The following PROSER2 variants were observed in gnomAD, a reference collection of about 807,000 sequenced individuals.
The protein encoded by PROSER2 is proline and serine rich 2.
Under a neutral mutation model 14.6 loss-of-function variants are expected in PROSER2, and 18 were observed. The ratio of observed to expected loss-of-function variants is 1.23; its 90% CI spans 0.85 to 1.83. PROSER2 has a LOEUF of 1.83. Among genes scored for constraint, PROSER2 ranks in the 40% most tolerant of loss-of-function variants. The probability of loss-of-function intolerance (pLI) is 0.00; values close to 1 mark genes in which losing one functional copy is unlikely to be tolerated. For synonymous variants in PROSER2, 367 were observed against 286.4 expected (o/e 1.28, Z -2.84); for missense variants, 823 against 629.8 (o/e 1.31, Z -3.28).
intron 1 of PROSER2, among the ~76,000 whole-genome samples, chr10:11,828,302 A>G (rs114320019): frequency 0.056 from 2,613 of 46,654 alleles, 68 homozygotes; most frequent in African/African-American, 0.13. Flanking sequence ...TCTCTGTGTG[A>G]AAAAAAAAAA....
chr10:11,850,059 C>T (rs921248579), intron 1 of PROSER2: 3 of 152,322 alleles, frequency 2.0e-5, no homozygotes, highest in Admixed American at 6.5e-5. Flanking sequence ...GTTCCTTGTA[C>T]AGCAGCACAA....
At chr10:11,840,359 T>G (rs1425405175) in intron 1 of PROSER2, among the ~76,000 whole-genome samples, 1 of 152,218 alleles carries the variant, frequency 6.6e-6, no homozygotes, top group Non-Finnish European at 1.5e-5. Flanking sequence ...AATTTTAAGT[T>G]TCTCAAATGC....
chr10:11,832,478 A>G (rs568286355), intron 1 of PROSER2, among the ~76,000 whole-genome samples: 1 of 152,304 alleles, frequency 6.6e-6, no homozygotes, highest in South Asian at 2.1e-4. Flanking sequence ...GAGCATACAC[A>G]TTCATATTGA....
chr10:11,866,641 T>C lies in PROSER2; in HGVS notation c.249T>C (p.Asp83=). The C allele has an allele frequency of 6.2e-7, 1 of 1,614,140 alleles. No individual in the cohort carries two copies. The highest frequency in any genetic ancestry group is 8.5e-7 in the Non-Finnish European group (1 of 1,180,036). ...ACTTTGAGGAGCCAGTGCTGTGCGA[T>C]GGAGGAGTGTGCTGCCTCTGCTCCC... is the stretch of plus-strand genomic sequence containing the variant. ...DEDFEEPVLC[D]GGVCCLCSPS... Residue 83 remains aspartate (D), a synonymous_variant, in exon 3 of 4, where the codon GAT becomes GAC. Transcript: ENST00000277570. The surrounding 1 kb of genome is among the most constrained non-coding windows in gnomAD (Gnocchi z 6.0).
intron 1 of PROSER2, among the ~76,000 whole-genome samples, chr10:11,839,241 A>G (rs1342779230): frequency 6.6e-6 from 1 of 152,214 alleles, no homozygotes; most frequent in Non-Finnish European, 1.5e-5. Flanking sequence ...GGCAGATCAG[A>G]TATTTAAATA....
intron 1 of PROSER2, among the ~76,000 whole-genome samples, chr10:11,829,657 C>T (rs972333112): frequency 1.7e-4 from 26 of 151,702 alleles, no homozygotes; most frequent in African/African-American, 6.3e-4. Context: ...GACTTAGAGG[C>T]GCTGTACCGT....
chr10:11,863,412 C>G (rs1382098711), intron 2 of PROSER2, among the ~76,000 whole-genome samples: 2 of 152,070 alleles, frequency 1.3e-5, no homozygotes, highest in African/African-American at 4.8e-5. Context: ...CAGACGTGCA[C>G]CTGTAGTCCC....
chr10:11,853,702 G>T (rs1834072543), intron 2 of PROSER2, among the ~76,000 whole-genome samples: 1 of 152,140 alleles, frequency 6.6e-6, no homozygotes, highest in South Asian at 2.1e-4. Flanking sequence ...ATCTTGTTTG[G>T]ATCCATGCTC....
rs879092693 is a variant in PROSER2, at chr10:11,870,269, G to C, written c.1171G>C (p.Gly391Arg). Residue 391 changes from glycine to arginine, a missense_variant, in exon 4 of 4, where the codon GGC (glycine) becomes CGC (arginine). Physicochemically the swap from Gly to Arg is moderately radical, Grantham distance 125. Coordinates refer to ENST00000277570, the MANE Select transcript of PROSER2 (RefSeq NM_153256.4). ...QSFPGPRQPN[G>R]AQDWRRADSL... ...CTTCCCCGGGCCCCGGCAGCCCAACGGCGCCCAGGACTGGCGCCGCGCAGA... is the reference window on the plus strand; with the variant it reads ...CTTCCCCGGGCCCCGGCAGCCCAACCGCGCCCAGGACTGGCGCCGCGCAGA... 3 of 1,488,970 alleles carry C rather than the reference G, an allele frequency of 2.0e-6. No homozygotes were observed. Among genetic ancestry groups the C allele is most frequent in the Non-Finnish European group, 2.7e-6 (3 of 1,127,286 alleles). The allele number at this position is 1,488,970 out of a possible 1,614,324, so 92.2% of individuals were successfully genotyped here.
chr10:11,848,788 C>A (rs55890346), intron 1 of PROSER2, among the ~76,000 whole-genome samples: 18,277 of 152,210 alleles, frequency 0.12, 1,181 homozygotes, highest in Non-Finnish European at 0.15. Flanking sequence ...CTTTATCCTG[C>A]GCACTTGCCA....
At chr10:11,853,961 C>G (rs1834076847) in intron 2 of PROSER2, among the ~76,000 whole-genome samples, 1 of 152,198 alleles carries the variant, frequency 6.6e-6, no homozygotes, top group Non-Finnish European at 1.5e-5. Flanking sequence ...CTGTTCCCTG[C>G]CGTGCCTGTC....
rs1300861060 is a variant in PROSER2, at chr10:11,869,809, C to A, written c.711C>A (p.Asp237Glu). 4.5e-6 allele frequency: 7 copies of A among 1,560,470 alleles called. No individual in the cohort carries two copies. The highest frequency in any genetic ancestry group is 6.1e-6 in the Non-Finnish European group (7 of 1,155,846). ...CCGCCCGGGGGCCCCGCAGTGGAGACCCTGGCCCGGGGCCCAGCCACCCGG... is the reference window on the plus strand; with the variant it reads ...CCGCCCGGGGGCCCCGCAGTGGAGAACCTGGCCCGGGGCCCAGCCACCCGG... ...TPAARGPRSG[D>E]PGPGPSHPAQ... Residue 237 changes from aspartate (D) to glutamate (E), a missense_variant, in exon 4 of 4, where the codon GAC (aspartate) becomes GAA (glutamate). By Grantham distance (45) the Asp-to-Glu change is conservative (BLOSUM62 2). Coordinates refer to ENST00000277570, the MANE Select transcript of PROSER2 (RefSeq NM_153256.4). The surrounding 1 kb of genome is among the most constrained non-coding windows in gnomAD (Gnocchi z 4.4).
chr10:11,847,364 T>C (rs1833938159), intron 1 of PROSER2, among the ~76,000 whole-genome samples: 1 of 152,108 alleles, frequency 6.6e-6, no homozygotes, highest in South Asian at 2.1e-4. Flanking sequence ...GTCACCTTAG[T>C]TGATGGAGTC....
chr10:11,827,554 C>T (rs1284352371), intron 1 of PROSER2, among the ~76,000 whole-genome samples: 1 of 152,068 alleles, frequency 6.6e-6, no homozygotes, highest in Non-Finnish European at 1.5e-5. Flanking sequence ...AATCTTCTGC[C>T]TGTTGTAGTT....
chr10:11,840,691 G>A (rs1379787327), intron 1 of PROSER2, among the ~76,000 whole-genome samples: 1 of 151,746 alleles, frequency 6.6e-6, no homozygotes, highest in Non-Finnish European at 1.5e-5. Context: ...TGGGAGGCCA[G>A]GGCAGGTGGA....
At chr10:11,831,673 T>C (rs575415486) in intron 1 of PROSER2, 1 of 152,234 alleles carries the variant, frequency 6.6e-6, no homozygotes, top group Non-Finnish European at 1.5e-5. Flanking sequence ...TTCCTTTTTG[T>C]TACTAGGACC....
chr10:11,835,898 G>A (rs1205006607), intron 1 of PROSER2, among the ~76,000 whole-genome samples: 4 of 152,156 alleles, frequency 2.6e-5, no homozygotes, highest in Admixed American at 6.5e-5. Context: ...TCATGGTAGT[G>A]AGCGGGGTGA....
chr10:11,847,592 T>C (rs1310140842), intron 1 of PROSER2, among the ~76,000 whole-genome samples: 3 of 152,130 alleles, frequency 2.0e-5, no homozygotes, highest in Non-Finnish European at 4.4e-5. Flanking sequence ...TAATTTTTTG[T>C]GTTTTCAGTA....
chr10:11,869,555 C>T lies in PROSER2; in HGVS notation c.457C>T (p.Pro153Ser). ...DAETPPPPDP[P>S]APETLLAPPP... ...TGAGACTCCTCCACCTCCAGACCCC[C>T]CGGCTCCCGAGACCCTTCTTGCGCC... is the stretch of plus-strand genomic sequence containing the variant. The change falls in exon 4 of 4, where the codon CCG becomes TCG. Residue 153 changes from proline to serine, a missense_variant. Transcript: ENST00000277570. This position sits in a 1 kb window ranked among gnomAD's most constrained non-coding sequence, Gnocchi z 4.4. 1 of 1,613,428 alleles carries T rather than the reference C, an allele frequency of 6.2e-7. No individual in the cohort carries two copies. Among genetic ancestry groups the T allele is most frequent in the South Asian group, 1.1e-5 (1 of 91,048 alleles).
Sources: allele counts gnomAD v4.1 joint callset (sites outside exome capture counted in the v4.1 genomes callset), GRCh38; gene constraint gnomAD v4.1.1; non-coding constraint Gnocchi (gnomAD v3.1); transcripts MANE v1.5; gene names NCBI Gene and HGNC (gene_info 2026-07-23, HGNC 2026-07-21).